Variants in CHST11 observed in about 807,000 individuals in gnomAD.
The protein encoded by CHST11 is C4S-1.
Under a neutral mutation model 30.4 loss-of-function variants are expected in CHST11, and 9 were observed. That is an observed-to-expected ratio of 0.30 (90% confidence interval 0.18 to 0.52). The LOEUF (loss-of-function observed/expected upper bound fraction) is 0.52. Ranked by LOEUF, CHST11 falls within the 20% of genes least tolerant of loss-of-function variation. The pLI, the probability that CHST11 is intolerant of heterozygous loss-of-function variation, is 0.97. For synonymous variants in CHST11, 152 were observed against 187.8 expected (o/e 0.81, Z 1.56); for missense variants, 348 against 460.6 (o/e 0.76, Z 2.24).
chr12:104,498,732 A>G (rs2037824700), intron 1 of CHST11, among the ~76,000 whole-genome samples: 2 of 152,242 alleles, frequency 1.3e-5, no homozygotes, highest in African/African-American at 2.4e-5. Context: ...GAGCCTGCTC[A>G]AGCGGATGTG....
Position 104,759,648 on chromosome 12 carries a change from G to A in CHST11, c.*1845G>A, listed in dbSNP as rs555893535. On this transcript the variant is annotated 3_prime_UTR_variant, in exon 3 of 3. Coordinates refer to ENST00000303694, the MANE Select transcript of CHST11 (RefSeq NM_018413.6). ...TGGGCAGCAGCTGCAACATCTCACCGGGGAAATTATTTTATTTAACGTGAG... is the reference window on the plus strand; with the variant it reads ...TGGGCAGCAGCTGCAACATCTCACCAGGGAAATTATTTTATTTAACGTGAG... 1.6e-4 allele frequency: 25 copies of A among 152,246 alleles called. No homozygotes were observed. The highest frequency in any genetic ancestry group is 5.3e-4 in the African/African-American group (22 of 41,544). 9.4% of individuals were successfully genotyped at this position (152,246 alleles called of 1,614,324 possible). A position where few individuals can be genotyped will look rare whatever the true frequency, so the allele number is the denominator to read the frequency against.
At chr12:104,698,034 G>A (rs759746495) in intron 2 of CHST11, among the ~76,000 whole-genome samples, 1 of 152,200 alleles carries the variant, frequency 6.6e-6, no homozygotes, top group Non-Finnish European at 1.5e-5. Context: ...TGGGTGCCCT[G>A]TGTCCTTACT....
chr12:104,573,708 T>A (rs373656853), intron 1 of CHST11, among the ~76,000 whole-genome samples: 1 of 152,156 alleles, frequency 6.6e-6, no homozygotes, highest in South Asian at 2.1e-4. Flanking sequence ...CAAAAATTAA[T>A]TCAAGATGGA....
In CHST11 at chr12:104,590,647, C is replaced by T. The variant is rs1029718362; in HGVS notation, c.119-11259C>T. Among the ~76,000 whole-genome samples the T allele has an allele frequency of 3.9e-5, 6 of 152,250 alleles. 1 individual carries two copies. The highest frequency in any genetic ancestry group is 4.2e-4 in the South Asian group (2 of 4,814). ...TTGAAGAAGCATATGGCAGGCGGGG[C>T]GCAGTGGCTCATGCCTGTAATCCCA... On this transcript the variant is annotated intron_variant, in intron 1 of 2. Transcript: ENST00000303694.
At chr12:104,630,758 A>G (rs1198829152) in intron 2 of CHST11, among the ~76,000 whole-genome samples, 1 of 152,238 alleles carries the variant, frequency 6.6e-6, no homozygotes, top group Non-Finnish European at 1.5e-5. Context: ...TCATGGCCTC[A>G]TCTCTCTGGA....
intron 1 of CHST11, among the ~76,000 whole-genome samples, chr12:104,510,819 C>CT (rs762884975): frequency 8.6e-5 from 13 of 151,392 alleles, no homozygotes; most frequent in African/African-American, 3.2e-4. Flanking sequence ...CTTGTTTTTT[C>CT]TTTTTTTAAG....
rs763575826 is a variant in CHST11, at chr12:104,515,215, G to A, written c.118+57686G>A. Among the ~76,000 whole-genome samples, 15 of 152,220 alleles carry A rather than the reference G, an allele frequency of 9.9e-5. No individual in the cohort carries two copies. The South Asian group carries it at 1.7e-3, about 17-fold the overall frequency. ...AATGTCCTTAAATAAAGTTTCGCTG[G>A]AACTCAGCCATGCTCCCTTGTTGGC... On this transcript the variant is annotated intron_variant, in intron 1 of 2. Transcript: ENST00000303694.
At chr12:104,736,969 C>G (rs2136136219) in intron 2 of CHST11, among the ~76,000 whole-genome samples, 1 of 152,276 alleles carries the variant, frequency 6.6e-6, no homozygotes, top group Admixed American at 6.5e-5. Context: ...CAAACCTCAC[C>G]CTGTGACTTA....
chr12:104,464,847 G>A (rs374788856), intron 1 of CHST11, among the ~76,000 whole-genome samples: 44 of 152,148 alleles, frequency 2.9e-4, no homozygotes, highest in African/African-American at 8.7e-4. Flanking sequence ...AAAATAAAAC[G>A]ATGAAATGGA....
intron 2 of CHST11, among the ~76,000 whole-genome samples, chr12:104,653,504 T>C (rs2039513881): frequency 6.6e-6 from 1 of 152,172 alleles, no homozygotes; most frequent in African/African-American, 2.4e-5. Context: ...TGTGTACTCA[T>C]GGAGGGGCAG....
intron 1 of CHST11, among the ~76,000 whole-genome samples, chr12:104,580,227 G>T (rs2038728167): frequency 6.6e-6 from 1 of 152,178 alleles, no homozygotes; most frequent in Non-Finnish European, 1.5e-5. Flanking sequence ...GAAGATTTCA[G>T]GCTTGAGCTG....
intron 2 of CHST11, among the ~76,000 whole-genome samples, chr12:104,603,592 A>C (rs6539164): frequency 0.82 from 124,977 of 152,118 alleles, 51,503 homozygotes; most frequent in East Asian, 0.99. Flanking sequence ...ATGATGAGTT[A>C]TCTTTAGGGG....
At chr12:104,709,668 G>A (rs772597320) in intron 2 of CHST11, among the ~76,000 whole-genome samples, 1 of 152,132 alleles carries the variant, frequency 6.6e-6, no homozygotes, top group South Asian at 2.1e-4. Context: ...GAAGCCCGTC[G>A]CAGGGCACCC....
intron 1 of CHST11, among the ~76,000 whole-genome samples, chr12:104,565,877 G>A (rs1207573605): frequency 1.3e-5 from 2 of 152,222 alleles, no homozygotes; most frequent in African/African-American, 4.8e-5. Context: ...TTCTCCCTGT[G>A]TTTGCCACAG....
In CHST11 at chr12:104,583,861, T is replaced by A. The variant is rs531826087; in HGVS notation, c.119-18045T>A. On this transcript the variant is annotated intron_variant, in intron 1 of 2. Coordinates refer to ENST00000303694, the MANE Select transcript of CHST11 (RefSeq NM_018413.6). Reference sequence around the variant, plus strand: ...CTGAGTAGCTGGGATTACAGGCACCTGCCACCACACCCAGCTAATTTTTGT... The same window carrying A: ...CTGAGTAGCTGGGATTACAGGCACCAGCCACCACACCCAGCTAATTTTTGT... 9.2e-5 allele frequency among the ~76,000 whole-genome samples: 14 copies of A among 152,198 alleles called. No individual in the cohort carries two copies. The South Asian group carries it at 2.7e-3, about 29-fold the overall frequency.
chr12:104,567,942 T>C (rs1007635819), intron 1 of CHST11, among the ~76,000 whole-genome samples: 4 of 152,226 alleles, frequency 2.6e-5, no homozygotes, highest in African/African-American at 9.6e-5. Flanking sequence ...ATTGCTTTGA[T>C]CTTGGACTTC....
chr12:104,512,375 T>A (rs1386464870), intron 1 of CHST11, among the ~76,000 whole-genome samples: 4 of 152,192 alleles, frequency 2.6e-5, no homozygotes, highest in Admixed American at 6.5e-5. Context: ...TCCACAAATA[T>A]TTATTATCGA....
chr12:104,659,726 G>A (rs1399064762), intron 2 of CHST11, among the ~76,000 whole-genome samples: 1 of 152,124 alleles, frequency 6.6e-6, no homozygotes, highest in Non-Finnish European at 1.5e-5. Context: ...AGTGCTTTGG[G>A]AGGCCAAGGC....
rs67453124 is a variant in CHST11, at chr12:104,475,658, TTATATATATATATATATA to T, written c.118+18145_118+18162del. Among the ~76,000 whole-genome samples, 45 of 34,164 alleles carry T rather than the reference TTATATATATATATATATA, an allele frequency of 1.3e-3. 4 individuals carry two copies. The highest frequency in any genetic ancestry group is 8.8e-4 in the Non-Finnish European group (12 of 13,570). 22.4% of individuals were successfully genotyped at this position (34,164 alleles called of 152,430 possible). On this transcript the variant is annotated intron_variant, in intron 1 of 2. Transcript: ENST00000303694. Reference sequence around the variant, plus strand: ...TATGATGCCTCAGAGTAAAGCAGCATTATATATATATATATATATATATATATATATATTTCTGATTAT... The same window carrying T: ...TATGATGCCTCAGAGTAAAGCAGCATTATATATATATATATTTCTGATTAT...
Sources: allele counts gnomAD v4.1 joint callset (sites outside exome capture counted in the v4.1 genomes callset), GRCh38; gene constraint gnomAD v4.1.1; transcripts MANE v1.5; gene names NCBI Gene and HGNC (gene_info 2026-07-23, HGNC 2026-07-21).